The following CNOT2 variants were observed in gnomAD, a reference collection of about 807,000 sequenced individuals.
CNOT2 encodes CCR4-NOT transcription complex subunit 2.
Under a neutral mutation model 72.1 loss-of-function variants are expected in CNOT2, and 7 were observed. That is an observed-to-expected ratio of 0.10 (90% CI 0.06 to 0.18). The LOEUF (loss-of-function observed/expected upper bound fraction) is 0.18, where lower values mean the gene tolerates loss of function less well. Ranked by LOEUF, CNOT2 falls within the 10% of genes least tolerant of loss-of-function variation. The pLI, the probability that CNOT2 is intolerant of heterozygous loss-of-function variation, is 1.00. For missense variants in CNOT2, 345 were observed against 660.3 expected, an observed-to-expected ratio of 0.52 and a Z score of 5.23; for synonymous variants, 196 against 225.6, an observed-to-expected ratio of 0.87 and a Z score of 1.17.
chr12:70,330,741 A>G, intron 6 of CNOT2: 2 of 329,932 alleles, frequency 6.1e-6, no homozygotes, highest in Non-Finnish European at 5.5e-6. Context: ...TTTGGTTGAT[A>G]TGTCCTCTCT....
chr12:70,288,456 T>C (rs955530686), intron 2 of CNOT2, among the ~76,000 whole-genome samples: 2 of 152,160 alleles, frequency 1.3e-5, no homozygotes, highest in African/African-American at 4.8e-5. Flanking sequence ...AGCCAGGGTG[T>C]AACATTTTAA....
At chr12:70,263,722 T>G (rs988691437) in intron 1 of CNOT2, among the ~76,000 whole-genome samples, 2 of 152,236 alleles carry the variant, frequency 1.3e-5, no homozygotes, top group Non-Finnish European at 2.9e-5. Flanking sequence ...TTTTTCACCC[T>G]GTGTATGAAT....
At chr12:70,257,031 T>G (rs1172973201) in intron 1 of CNOT2, among the ~76,000 whole-genome samples, 3 of 149,944 alleles carry the variant, frequency 2.0e-5, no homozygotes. Context: ...ATTGAACATT[T>G]TATTTTTTTT....
In CNOT2 at chr12:70,353,704, G is replaced by T. The variant is rs957093019; in HGVS notation, c.1537-125G>T. On this transcript the variant is annotated intron_variant, in intron 15 of 15. Transcript: ENST00000229195. ...ATTTTATGTAGAGGAAAAACAGTTG[G>T]TATATCTGTGTTGATGTTGATTCAT... 6.3e-6 allele frequency: 9 copies of T among 1,423,524 alleles called. No individual in the cohort carries two copies. The Admixed American group carries it at 1.9e-4, about 30-fold the overall frequency. The allele number at this position is 1,423,524 out of a possible 1,614,324, so 88.2% of individuals were successfully genotyped here. A position where few individuals can be genotyped will look rare whatever the true frequency, so the allele number is the denominator to read the frequency against.
chr12:70,245,931 A>C lies in CNOT2; in HGVS notation c.-96+2451A>C, dbSNP rs1183240404. 2.0e-5 allele frequency among the ~76,000 whole-genome samples: 3 copies of C among 152,190 alleles called. No homozygotes were observed. The East Asian group carries it at 5.8e-4, about 29-fold the overall frequency. On this transcript the variant is annotated intron_variant, in intron 1 of 15. Coordinates refer to ENST00000229195, the MANE Select transcript of CNOT2 (RefSeq NM_014515.7). ...AGGTGTATGAATAGATTTTATTAGA[A>C]GTGATTCTAACCCAGTTCTCATTTG...
At chr12:70,325,785 A>T (rs75093226) in intron 4 of CNOT2, among the ~76,000 whole-genome samples, 1 of 151,716 alleles carries the variant, frequency 6.6e-6, no homozygotes, top group East Asian at 1.9e-4. Context: ...CTGCTTTGCA[A>T]ATGGAAAAGG....
At chr12:70,299,454 A>AT (rs1873465761) in intron 2 of CNOT2, among the ~76,000 whole-genome samples, 1 of 137,310 alleles carries the variant, frequency 7.3e-6, no homozygotes, top group South Asian at 2.2e-4. Context: ...ATTCCCACCT[A>AT]TGAGTGAGAA....
rs144215027 is a variant in CNOT2 at position 70,279,799 on chromosome 12, A to G, written c.48+1525A>G. ...ATTAATATAGAATTCCAAAATTTAT[A>G]CTTAAGAAAGAAAACAGAATTATGT... is the stretch of plus-strand genomic sequence containing the variant. On this transcript the variant is annotated intron_variant, in intron 2 of 15. Coordinates refer to ENST00000229195, the MANE Select transcript of CNOT2 (RefSeq NM_014515.7). Among the ~76,000 whole-genome samples, 443 of 152,322 alleles carry G rather than the reference A, an allele frequency of 2.9e-3. 1 individual carries two copies. The highest frequency in any genetic ancestry group is 0.01 in the African/African-American group (427 of 41,566).
chr12:70,279,740 T>C (rs1282208829), intron 2 of CNOT2, among the ~76,000 whole-genome samples: 1 of 152,220 alleles, frequency 6.6e-6, no homozygotes. Context: ...TTTATGTGAT[T>C]ACACACTATA....
At chr12:70,277,228 A>T (rs1429775927) in intron 1 of CNOT2, among the ~76,000 whole-genome samples, 7 of 152,160 alleles carry the variant, frequency 4.6e-5, no homozygotes, top group Non-Finnish European at 2.9e-5. Flanking sequence ...TAGGTAAGAG[A>T]TATCTGTCTT....
chr12:70,291,905 C>T (rs1026913862), intron 2 of CNOT2, among the ~76,000 whole-genome samples: 2 of 152,174 alleles, frequency 1.3e-5, no homozygotes, highest in Non-Finnish European at 2.9e-5. Context: ...CCACTGCACT[C>T]CAGTCTGGGC....
Position 70,312,478 on chromosome 12 carries a change from A to T in CNOT2, c.171+1461A>T, listed in dbSNP as rs539675502. On this transcript the variant is annotated intron_variant, in intron 3 of 15. Coordinates refer to ENST00000229195, the MANE Select transcript of CNOT2 (RefSeq NM_014515.7). ...TAAAGAGAATGAATGACAAAGAGAT[A>T]TATGTCTTCTCAAAAGCAGAAATAC... is the stretch of plus-strand genomic sequence containing the variant. Among the ~76,000 whole-genome samples, 8 of 151,964 alleles carry T rather than the reference A, an allele frequency of 5.3e-5. No individual in the cohort carries two copies. In the South Asian group the frequency reaches 1.7e-3, roughly 31 times the overall value.
At chr12:70,279,182 TTAAC>T (rs901054368) in intron 2 of CNOT2, among the ~76,000 whole-genome samples, 26 of 152,222 alleles carry the variant, frequency 1.7e-4, no homozygotes, top group African/African-American at 6.3e-4. Flanking sequence ...GCAGCTTTGG[TTAAC>T]TAACTGTTTA....
chr12:70,308,015 A>G (rs1875744475), intron 2 of CNOT2: 1 of 152,088 alleles, frequency 6.6e-6, no homozygotes, highest in Admixed American at 6.6e-5. Context: ...GGTGTACTAT[A>G]TGGTCTAGCC....
intron 2 of CNOT2, among the ~76,000 whole-genome samples, chr12:70,309,490 A>C (rs1313025153): frequency 6.6e-6 from 1 of 152,106 alleles, no homozygotes; most frequent in Non-Finnish European, 1.5e-5. Flanking sequence ...ACAGAGTTAC[A>C]CGTAAAGTTT....
intron 6 of CNOT2, chr12:70,331,044 A>G (rs542321813): frequency 3.3e-5 from 5 of 152,052 alleles, no homozygotes; most frequent in African/African-American, 1.2e-4. Flanking sequence ...GGAGTTACTC[A>G]TTTTGTTAGG....
chr12:70,299,787 A>G (rs1184406834), intron 2 of CNOT2, among the ~76,000 whole-genome samples: 1 of 152,198 alleles, frequency 6.6e-6, no homozygotes, highest in Non-Finnish European at 1.5e-5. Flanking sequence ...TAGATCCCTG[A>G]GGAATCGCCA....
At chr12:70,352,750 T>A (rs746919208) in intron 15 of CNOT2, among the ~76,000 whole-genome samples, 1 of 152,230 alleles carries the variant, frequency 6.6e-6, no homozygotes, top group Non-Finnish European at 1.5e-5. Context: ...GTATTTGTTG[T>A]TTGCATTTTT....
intron 2 of CNOT2, among the ~76,000 whole-genome samples, chr12:70,308,248 C>T (rs913017734): frequency 4.6e-5 from 7 of 152,046 alleles, no homozygotes; most frequent in South Asian, 2.1e-4. Flanking sequence ...GAATAAAGGA[C>T]GGGCACTTTA....
Sources: gnomAD v4.1 joint callset for allele counts (sites outside exome capture counted in the v4.1 genomes callset) on GRCh38, gnomAD v4.1.1 for gene constraint, MANE v1.5 for transcripts, NCBI Gene and HGNC (gene_info 2026-07-23, HGNC 2026-07-21) for gene names.